Variants in MICAL3 observed in about 807,000 individuals in gnomAD.
MICAL3 encodes the protein microtubule associated monooxygenase, calponin and LIM domain containing 3.
Under a neutral mutation model 207.4 loss-of-function variants are expected in MICAL3, and 62 were observed. The observed-to-expected ratio is 0.30, with a 90% CI of 0.24 to 0.37. MICAL3 has a LOEUF of 0.37. MICAL3 is among the 10% of genes least tolerant of loss of function. The pLI, the probability that MICAL3 is intolerant of heterozygous loss-of-function variation, is 1.00. For synonymous variants in MICAL3, 1,077 were observed against 1,069.3 expected, an observed-to-expected ratio of 1.01 and a Z score of -0.14; for missense variants, 2,368 against 2,635.6, an observed-to-expected ratio of 0.90 and a Z score of 2.22.
intron 16 of MICAL3, among the ~76,000 whole-genome samples, chr22:17,877,376 G>GGAGGTT (rs1928825210): frequency 3.4e-5 from 1 of 29,546 alleles, no homozygotes; most frequent in African/African-American, 1.6e-4. Flanking sequence ...TTAGGGAGGT[G>GGAGGTT]AGGGAGGTTA....
intron 1 of MICAL3, among the ~76,000 whole-genome samples, chr22:17,990,449 C>T (rs2146460601): frequency 6.6e-6 from 1 of 152,300 alleles, no homozygotes; most frequent in East Asian, 1.9e-4. Flanking sequence ...GTGGGGTGCT[C>T]ACTGGGTGCT....
chr22:17,874,063 G>A (rs536133134), intron 16 of MICAL3, among the ~76,000 whole-genome samples: 21 of 152,330 alleles, frequency 1.4e-4, no homozygotes, highest in African/African-American at 5.1e-4. Flanking sequence ...CAGAAGCACC[G>A]GGCAGGGGGA....
At position 17,810,895 on chromosome 22, in the gene MICAL3, G is replaced by A. The variant is rs576184367; in HGVS notation, c.5446-82C>T. On this transcript the variant is annotated intron_variant, in intron 27 of 31. Transcript: ENST00000441493. Reference sequence around the variant, plus strand: ...TGGGCAGCAGGCCAACAGGGGCCTGGAGAGGTCTGTCCCCCATGTCGGAGC... The same window carrying A: ...TGGGCAGCAGGCCAACAGGGGCCTGAAGAGGTCTGTCCCCCATGTCGGAGC... 8 of 1,079,266 alleles carry A rather than the reference G, an allele frequency of 7.4e-6. 1 individual carries two copies. In the South Asian group the frequency reaches 8.8e-5, roughly 12 times the overall value. The allele number at this position is 1,079,266 out of a possible 1,614,324, so 66.9% of individuals were successfully genotyped here.
At chr22:18,002,745 C>A (rs1268901877) in intron 1 of MICAL3, among the ~76,000 whole-genome samples, 3 of 152,208 alleles carry the variant, frequency 2.0e-5, no homozygotes, top group African/African-American at 7.2e-5. Flanking sequence ...AATGAGGATA[C>A]TGGAATGCAC....
At chr22:17,821,351 T>C in intron 25 of MICAL3, 76 bp downstream of exon 25, 3 of 1,341,598 alleles carry the variant, frequency 2.2e-6, no homozygotes, top group Non-Finnish European at 3.0e-6. Flanking sequence ...CCATGGGCCC[T>C]GAAACAGAGA....
intron 12 of MICAL3, 121 bp from the exon 13 acceptor site, chr22:17,889,351 G>T: frequency 1.5e-6 from 1 of 654,246 alleles, no homozygotes; most frequent in Non-Finnish European, 2.5e-6. Context: ...GCTGTGCATC[G>T]CTGACATTTG....
At chr22:17,847,015 G>A (rs1924701323) in intron 19 of MICAL3, among the ~76,000 whole-genome samples, 1 of 152,228 alleles carries the variant, frequency 6.6e-6, no homozygotes, top group Non-Finnish European at 1.5e-5. Context: ...CTCGGCTGCT[G>A]GGCAAGAGCT....
intron 29 of MICAL3, among the ~76,000 whole-genome samples, chr22:17,806,023 C>T (rs2061985731): frequency 6.6e-6 from 1 of 152,192 alleles, no homozygotes; most frequent in Non-Finnish European, 1.5e-5. Flanking sequence ...AGCCACCGCG[C>T]CCGGCCCAAA....
intron 19 of MICAL3, among the ~76,000 whole-genome samples, chr22:17,848,948 A>G (rs922612659): frequency 3.3e-5 from 5 of 152,198 alleles, no homozygotes; most frequent in African/African-American, 1.2e-4. Context: ...CCCCAGAGCC[A>G]TGTGTGGAAA....
intron 19 of MICAL3, among the ~76,000 whole-genome samples, chr22:17,855,780 T>A (rs990716051): frequency 6.6e-6 from 1 of 152,230 alleles, no homozygotes; most frequent in Non-Finnish European, 1.5e-5. Flanking sequence ...TCTGGGATGG[T>A]TGTCAAATTG....
chr22:17,943,586 A>G (rs1433961285), intron 1 of MICAL3, among the ~76,000 whole-genome samples: 1 of 152,192 alleles, frequency 6.6e-6, no homozygotes, highest in Non-Finnish European at 1.5e-5. Context: ...AGCCCTCCTT[A>G]CTCAAGGTGC....
intron 19 of MICAL3, among the ~76,000 whole-genome samples, chr22:17,857,533 C>T (rs926626995): frequency 3.9e-5 from 6 of 152,198 alleles, no homozygotes; most frequent in African/African-American, 1.4e-4. Context: ...GAGTTGATCA[C>T]AGAACACAGA....
intron 16 of MICAL3, among the ~76,000 whole-genome samples, chr22:17,874,576 A>G (rs1311901148): frequency 2.6e-5 from 4 of 152,238 alleles, no homozygotes; most frequent in Non-Finnish European, 5.9e-5. Context: ...GCAAGTTGGC[A>G]ACACTGACAA....
intron 1 of MICAL3, among the ~76,000 whole-genome samples, chr22:17,962,671 G>A (rs566589295): frequency 8.3e-6 from 1 of 120,848 alleles, no homozygotes; most frequent in African/African-American, 3.0e-5. Context: ...TATGGCAGGT[G>A]TAGTTTTAGG....
rs201909654 is a variant in MICAL3 at position 17,872,820 on chromosome 22, G to A, written c.2242-797C>T. The A allele has an allele frequency of 1.1e-3, 1,821 of 1,613,182 alleles. 2 individuals are homozygous for A. The highest frequency in any genetic ancestry group is 1.5e-3 in the Non-Finnish European group (1,730 of 1,179,164). On this transcript the variant is annotated intron_variant, in intron 16 of 31. Transcript: ENST00000441493. ...CTGATTGGCTATCTGCTCAGCCAATGAGCTCACTCCGCCCGTGTACATCTT... is the reference window on the plus strand; with the variant it reads ...CTGATTGGCTATCTGCTCAGCCAATAAGCTCACTCCGCCCGTGTACATCTT...
At chr22:17,867,234 TCAGA>T (rs55918428) in intron 17 of MICAL3, among the ~76,000 whole-genome samples, 29,244 of 152,082 alleles carry the variant, frequency 0.19, 3,086 homozygotes, top group East Asian at 0.27. Context: ...GTATACTTTC[TCAGA>T]CAGAATGTTT....
At chr22:17,940,694 G>A (rs118093326) in intron 1 of MICAL3, among the ~76,000 whole-genome samples, 1,872 of 152,154 alleles carry the variant, frequency 0.012, 25 homozygotes, top group Non-Finnish European at 0.017. Context: ...GCCAGAGAGA[G>A]GATCAGAAAG....
intron 28 of MICAL3, among the ~76,000 whole-genome samples, chr22:17,810,495 A>G (rs1296703): frequency 0.36 from 55,188 of 151,962 alleles, 10,764 homozygotes; most frequent in African/African-American, 0.52. Context: ...CACCACGCCC[A>G]GCCTGCTCTT....
At chr22:17,872,334 C>G (rs1234607705) in intron 16 of MICAL3, among the ~76,000 whole-genome samples, 1 of 152,110 alleles carries the variant, frequency 6.6e-6, no homozygotes, top group African/African-American at 2.4e-5. Flanking sequence ...TATGATACAG[C>G]CTGGCGACGC....
Sources: allele counts gnomAD v4.1 joint callset (sites outside exome capture counted in the v4.1 genomes callset), GRCh38; gene constraint gnomAD v4.1.1; transcripts MANE v1.5; gene names NCBI Gene and HGNC (gene_info 2026-07-23, HGNC 2026-07-21).